HMBOX1: variants seen among roughly 807,000 people sequenced by gnomAD.
The protein encoded by HMBOX1 is homeobox containing 1.
A neutral mutation model predicts 54.5 loss-of-function variants in HMBOX1; 14 were observed. The ratio of observed to expected loss-of-function variants is 0.26; its 90% CI spans 0.17 to 0.40. The LOEUF (loss-of-function observed/expected upper bound fraction) is 0.40. HMBOX1 is among the 10% of genes least tolerant of loss of function. The probability of loss-of-function intolerance (pLI) is 1.00; values close to 1 mark genes in which losing one functional copy is unlikely to be tolerated. For missense variants in HMBOX1, 332 were observed against 514.4 expected (o/e 0.65, Z 3.43); for synonymous variants, 160 against 181.0 (o/e 0.88, Z 0.93).
chr8:28,965,415 G>A (rs1826264228), intron 2 of HMBOX1, among the ~76,000 whole-genome samples: 1 of 152,192 alleles, frequency 6.6e-6, no homozygotes, highest in Admixed American at 6.5e-5. Flanking sequence ...TTAAAGATGG[G>A]GAGAGTAACA....
chr8:28,965,615 A>G (rs1826302004), intron 2 of HMBOX1, among the ~76,000 whole-genome samples: 1 of 152,208 alleles, frequency 6.6e-6, no homozygotes, highest in African/African-American at 2.4e-5. Flanking sequence ...TGACCACCAT[A>G]GCTGAGATCT....
At chr8:28,942,103 G>A (rs1481738315) in intron 1 of HMBOX1, among the ~76,000 whole-genome samples, 1 of 152,200 alleles carries the variant, frequency 6.6e-6, no homozygotes, top group African/African-American at 2.4e-5. Flanking sequence ...TGTCTTTAGT[G>A]CTTCAGAGCT....
intron 4 of HMBOX1, among the ~76,000 whole-genome samples, chr8:28,989,111 A>G (rs959800983): frequency 6.6e-6 from 1 of 152,004 alleles, no homozygotes; most frequent in African/African-American, 2.4e-5. Context: ...CATCTCTACT[A>G]AAAATACAAA....
At chr8:29,035,604 A>C (rs1358521341) in intron 6 of HMBOX1, among the ~76,000 whole-genome samples, 3 of 152,180 alleles carry the variant, frequency 2.0e-5, no homozygotes, top group Non-Finnish European at 4.4e-5. Flanking sequence ...CAAATAGTAG[A>C]TGGGACTTAG....
chr8:28,912,767 C>T (rs1815710784), intron 1 of HMBOX1, among the ~76,000 whole-genome samples: 2 of 152,172 alleles, frequency 1.3e-5, no homozygotes, highest in Non-Finnish European at 2.9e-5. Context: ...GCTCATCTAC[C>T]TTTATAGCCT....
In HMBOX1 at chr8:29,051,285, TTG is replaced by T; in HGVS notation, c.*132_*133del. 1.0e-6 allele frequency: 1 copy of T among 985,036 alleles called. No individual in the cohort carries two copies. Among genetic ancestry groups the T allele is most frequent in the Non-Finnish European group, 1.5e-6 (1 of 662,324 alleles). 61.0% of individuals were successfully genotyped at this position (985,036 alleles called of 1,614,324 possible). A position where few individuals can be genotyped will look rare whatever the true frequency, so the allele number is the denominator to read the frequency against. On this transcript the variant is annotated 3_prime_UTR_variant, in exon 10 of 10. Transcript: ENST00000287701. ...TGTATGTCAGGTAGCTGTTAGGGTC[TTG>T]TTCTGTGAAGATGGCATGGTGCCCT...
intron 6 of HMBOX1, among the ~76,000 whole-genome samples, chr8:29,025,821 C>T (rs1175870798): frequency 2.6e-5 from 4 of 152,138 alleles, no homozygotes; most frequent in Admixed American, 6.5e-5. Flanking sequence ...AATTCATGAC[C>T]GCTAACCTCA....
intron 4 of HMBOX1, among the ~76,000 whole-genome samples, chr8:28,984,318 C>T (rs1483850841): frequency 6.6e-6 from 1 of 152,074 alleles, no homozygotes; most frequent in African/African-American, 2.4e-5. Context: ...AATAAGTCAA[C>T]CTTGAGATAA....
At chr8:28,892,579 C>A (rs1244728750) in intron 1 of HMBOX1, among the ~76,000 whole-genome samples, 1 of 151,966 alleles carries the variant, frequency 6.6e-6, no homozygotes, top group Non-Finnish European at 1.5e-5. Flanking sequence ...CAGTAAGGGA[C>A]CTTTAGATTC....
At chr8:29,008,714 G>C (rs1489066693) in intron 4 of HMBOX1, among the ~76,000 whole-genome samples, 1 of 152,100 alleles carries the variant, frequency 6.6e-6, no homozygotes, top group African/African-American at 2.4e-5. Flanking sequence ...AATTAGGGGT[G>C]GAGTGGAAAG....
chr8:28,982,883 C>A (rs956567998), intron 4 of HMBOX1, among the ~76,000 whole-genome samples: 5 of 152,252 alleles, frequency 3.3e-5, no homozygotes, highest in African/African-American at 1.2e-4. Context: ...TTCGGCCTCC[C>A]AAAGTGCTGC....
chr8:29,038,596 G>A (rs1804300472), intron 6 of HMBOX1, among the ~76,000 whole-genome samples: 2 of 152,128 alleles, frequency 1.3e-5, no homozygotes, highest in Admixed American at 1.3e-4. Flanking sequence ...TAAAATGCTG[G>A]AAGGTTAATA....
chr8:28,955,388 G>A (rs1410130712), intron 1 of HMBOX1, among the ~76,000 whole-genome samples: 1 of 152,042 alleles, frequency 6.6e-6, no homozygotes, highest in African/African-American at 2.4e-5. Context: ...ATAGAGATGT[G>A]CATATGTATG....
chr8:29,018,671 C>A, intron 5 of HMBOX1, 89 bp from the exon 6 acceptor site: 1 of 1,324,384 alleles, frequency 7.6e-7, no homozygotes, highest in Non-Finnish European at 1.0e-6. Context: ...AAGCCAAAGA[C>A]CATACTTCCC....
At chr8:28,941,750 G>A (rs1380959965) in intron 1 of HMBOX1, among the ~76,000 whole-genome samples, 2 of 152,098 alleles carry the variant, frequency 1.3e-5, no homozygotes, top group Admixed American at 1.3e-4. Flanking sequence ...TTCCTTTGGC[G>A]CTCTTGCCAG....
intron 6 of HMBOX1, among the ~76,000 whole-genome samples, chr8:29,027,893 T>C (rs948054239): frequency 6.6e-6 from 1 of 152,242 alleles, no homozygotes; most frequent in African/African-American, 2.4e-5. Context: ...TGTTTGTAAT[T>C]AAAACTATTG....
chr8:28,946,227 A>C (rs570722744), intron 1 of HMBOX1, among the ~76,000 whole-genome samples: 15 of 151,894 alleles, frequency 9.9e-5, no homozygotes, highest in African/African-American at 3.4e-4. Context: ...TGCTGGGATT[A>C]CAGGTGTGAG....
chr8:28,907,788 A>G lies in HMBOX1; in HGVS notation c.-58+17110A>G, dbSNP rs886408545. On this transcript the variant is annotated intron_variant, in intron 1 of 9. Transcript: ENST00000287701. Reference sequence around the variant, plus strand: ...TTATATTGCCTGATTTAATTCATTGACATACATTTGGGACATCGTGTTGTA... The same window carrying G: ...TTATATTGCCTGATTTAATTCATTGGCATACATTTGGGACATCGTGTTGTA... 1.1e-4 allele frequency among the ~76,000 whole-genome samples: 16 copies of G among 151,784 alleles called. No individual in the cohort carries two copies. In the South Asian group the frequency reaches 1.5e-3, roughly 14 times the overall value.
intron 1 of HMBOX1, among the ~76,000 whole-genome samples, chr8:28,896,035 A>G (rs1350574277): frequency 1.3e-5 from 2 of 152,212 alleles, no homozygotes; most frequent in African/African-American, 4.8e-5. Flanking sequence ...TCAAAAATTG[A>G]GAGTCATACC....
Sources: gnomAD v4.1 joint callset for allele counts (sites outside exome capture counted in the v4.1 genomes callset) on GRCh38, gnomAD v4.1.1 for gene constraint, MANE v1.5 for transcripts, NCBI Gene and HGNC (gene_info 2026-07-23, HGNC 2026-07-21) for gene names.